SCARB1: variants seen among roughly 807,000 people sequenced by gnomAD.
The protein encoded by SCARB1 is scavenger receptor class B member 1.
SCARB1 carries 30 observed loss-of-function variants against 57.2 expected under a neutral mutation model. The ratio of observed to expected loss-of-function variants is 0.52; its 90% CI spans 0.39 to 0.71. The LOEUF (loss-of-function observed/expected upper bound fraction) is 0.71. Among genes scored for constraint, SCARB1 ranks in the 30% least tolerant of loss-of-function variants. SCARB1 has a pLI of 0.00. For synonymous variants in SCARB1, 249 were observed against 268.3 expected (o/e 0.93, Z 0.70); for missense variants, 543 against 671.2 (o/e 0.81, Z 2.11).
intron 1 of SCARB1, 57 bp downstream of exon 1, chr12:124,863,538 C>G: frequency 6.4e-7 from 1 of 1,567,372 alleles, no homozygotes; most frequent in Non-Finnish European, 8.6e-7. Context: ...CCTCCCGGCG[C>G]CCAGCGCCCA....
At chr12:124,821,326 G>T in intron 1 of SCARB1, 16 of 973,428 alleles carry the variant, frequency 1.6e-5, no homozygotes, top group Non-Finnish European at 2.0e-5. Context: ...CTCCCACCTG[G>T]TTTCTCAGCA....
At position 124,814,950 on chromosome 12, in the gene SCARB1, C is replaced by T. The variant is rs368880622; in HGVS notation, c.426+23G>A. On this transcript the variant is annotated intron_variant, in intron 3 of 12. Coordinates refer to ENST00000261693, the MANE Select transcript of SCARB1 (RefSeq NM_005505.5). This position sits in a 1 kb window ranked among gnomAD's most constrained non-coding sequence, Gnocchi z 4.7. ...GGGACGAGGTCAGGGTGCGAGGCGGCGTGGGCCACAGGGCAGCCTCACCAA... is the reference window on the plus strand; with the variant it reads ...GGGACGAGGTCAGGGTGCGAGGCGGTGTGGGCCACAGGGCAGCCTCACCAA... The T allele has an allele frequency of 3.7e-6, 6 of 1,613,722 alleles. No individual in the cohort carries two copies. Among genetic ancestry groups the T allele is most frequent in the Admixed American group, 3.3e-5 (2 of 59,996 alleles).
At position 124,807,709 on chromosome 12, in the gene SCARB1, T is replaced by G. The variant is rs1291634201; in HGVS notation, c.1009+52A>C. ...AGCACTGGGCAGATAAACCCTCAGC[T>G]GGCCCCACCCTCACACCCTCCCGCC... On this transcript the variant is annotated intron_variant, in intron 7 of 12. Transcript: ENST00000261693. This position sits in a 1 kb window ranked among gnomAD's most constrained non-coding sequence, Gnocchi z 5.3. The G allele has an allele frequency of 8.8e-6, 14 of 1,585,400 alleles. No homozygotes were observed. Among genetic ancestry groups the G allele is most frequent in the Non-Finnish European group, 1.1e-5 (13 of 1,155,638 alleles).
chr12:124,825,321 T>TAG (rs1951109626), intron 1 of SCARB1, among the ~76,000 whole-genome samples: 1 of 148,960 alleles, frequency 6.7e-6, no homozygotes, highest in South Asian at 2.1e-4. Context: ...AACTCTGCCC[T>TAG]AGAAAGATTC....
chr12:124,830,817 A>T (rs1015619099), intron 1 of SCARB1, among the ~76,000 whole-genome samples: 17 of 151,988 alleles, frequency 1.1e-4, no homozygotes, highest in Admixed American at 3.9e-4. Context: ...AGCAAAAAAA[A>T]TTTTTTCTTT....
Position 124,851,788 on chromosome 12 carries a change from G to A in SCARB1, c.126+11807C>T, listed in dbSNP as rs560545164. Among the ~76,000 whole-genome samples, 15 of 151,876 alleles carry A rather than the reference G, an allele frequency of 9.9e-5. No homozygotes were observed. In the South Asian group the frequency reaches 2.9e-3, roughly 30 times the overall value. On this transcript the variant is annotated intron_variant, in intron 1 of 12. Transcript: ENST00000261693. ...TGCCCAGCTAATTTTTGTGTTTTTA[G>A]TAGAGATGGGGTTTCACCATGTTGG...
rs200718786 is a variant in SCARB1 at position 124,786,501 on chromosome 12, G to A, written c.1257C>T (p.Ser419=). The change falls in exon 11 of 13, where the codon AGC becomes AGT. Residue 419 remains serine (S), a splice_region_variant and synonymous_variant. Transcript: ENST00000261693. ...VVLPLLWFAE[S]GAMEGETLHT... Reference sequence around the variant, plus strand: ...GAAGAGTCTCCCCCTCCATGGCCCCGCTCTGAGGAGACAGAATGACAAACA... The same window carrying A: ...GAAGAGTCTCCCCCTCCATGGCCCCACTCTGAGGAGACAGAATGACAAACA... The A allele has an allele frequency of 4.5e-5, 73 of 1,613,808 alleles. No individual in the cohort carries two copies. Among genetic ancestry groups the A allele is most frequent in the African/African-American group, 2.7e-4 (20 of 74,942 alleles).
chr12:124,835,368 C>T (rs1951601318), intron 1 of SCARB1, among the ~76,000 whole-genome samples: 1 of 151,976 alleles, frequency 6.6e-6, no homozygotes, highest in Admixed American at 6.6e-5. Context: ...AAACCATCTT[C>T]CTGCCTCAGC....
chr12:124,842,308 G>A (rs1421679480), intron 1 of SCARB1, among the ~76,000 whole-genome samples: 2 of 152,188 alleles, frequency 1.3e-5, no homozygotes, highest in Non-Finnish European at 2.9e-5. Context: ...ACGCACTGGA[G>A]TTCATCAATA....
At chr12:124,795,300 C>A (rs1271699417) in intron 8 of SCARB1, 32 bp from the exon 9 acceptor site, 1 of 1,568,760 alleles carries the variant, frequency 6.4e-7, no homozygotes, top group Non-Finnish European at 8.8e-7. Flanking sequence ...GGAGACTGGC[C>A]ACCCCCAAGC....
chr12:124,800,472 G>A lies in SCARB1; in HGVS notation c.1010-230C>T, dbSNP rs540957500. On this transcript the variant is annotated intron_variant, in intron 7 of 12. Transcript: ENST00000261693. This position sits in a 1 kb window ranked among gnomAD's most constrained non-coding sequence, Gnocchi z 4.8. Reference sequence around the variant, plus strand: ...AGGCAGGAGCCGCTGATTCTGACAGGAGAGACCAAAAGAAGGAAGAGGCCT... The same window carrying A: ...AGGCAGGAGCCGCTGATTCTGACAGAAGAGACCAAAAGAAGGAAGAGGCCT... Among the ~76,000 whole-genome samples the A allele has an allele frequency of 5.9e-5, 9 of 152,236 alleles. No homozygotes were observed. Among genetic ancestry groups the A allele is most frequent in the Non-Finnish European group, 1.0e-4 (7 of 68,054 alleles).
Position 124,822,711 on chromosome 12 carries a change from C to T in SCARB1, c.127-5004G>A, listed in dbSNP as rs1313744116. Among the ~76,000 whole-genome samples, 7 of 152,186 alleles carry T rather than the reference C, an allele frequency of 4.6e-5. No individual in the cohort carries two copies. The highest frequency in any genetic ancestry group is 4.2e-4 in the South Asian group (2 of 4,818). Reference sequence around the variant, plus strand: ...ACCAGCCTGGGCAACATGGTGAAACCGTGTCTCTACTAAAAATACAAAAAA... The same window carrying T: ...ACCAGCCTGGGCAACATGGTGAAACTGTGTCTCTACTAAAAATACAAAAAA... On this transcript the variant is annotated intron_variant, in intron 1 of 12. Transcript: ENST00000261693. This position sits in a 1 kb window ranked among gnomAD's most constrained non-coding sequence, Gnocchi z 5.0.
chr12:124,812,901 C>T lies in SCARB1; in HGVS notation c.631-936G>A, dbSNP rs150239807. 2.9e-3 allele frequency among the ~76,000 whole-genome samples: 438 copies of T among 152,236 alleles called. 1 individual carries two copies. The highest frequency in any genetic ancestry group is 9.7e-3 in the African/African-American group (401 of 41,514). ...CATTAAAGGGACTCATGTGCAAAAA[C>T]GGCCAGGTACAGTGCACCGGACACA... On this transcript the variant is annotated intron_variant, in intron 4 of 12. Transcript: ENST00000261693. The surrounding 1 kb of genome is among the most constrained non-coding windows in gnomAD (Gnocchi z 4.3).
chr12:124,835,128 C>T (rs1213635123), intron 1 of SCARB1, among the ~76,000 whole-genome samples: 1 of 152,172 alleles, frequency 6.6e-6, no homozygotes, highest in Non-Finnish European at 1.5e-5. Flanking sequence ...GAGGCAATGT[C>T]TGACATGAGC....
chr12:124,835,173 A>G (rs200943262), intron 1 of SCARB1, among the ~76,000 whole-genome samples: 2 of 152,138 alleles, frequency 1.3e-5, no homozygotes, highest in East Asian at 3.8e-4. Flanking sequence ...AAGTGTATGG[A>G]GGCACGTGCA....
At chr12:124,853,070 G>T (rs1324772441) in intron 1 of SCARB1, among the ~76,000 whole-genome samples, 1 of 152,138 alleles carries the variant, frequency 6.6e-6, no homozygotes, top group Non-Finnish European at 1.5e-5. Flanking sequence ...CCATTGGGTG[G>T]GGTGGGCAAT....
At chr12:124,837,010 C>A (rs117794015) in intron 1 of SCARB1, among the ~76,000 whole-genome samples, 2 of 152,200 alleles carry the variant, frequency 1.3e-5, no homozygotes, top group Admixed American at 1.3e-4. Context: ...CTCAGACCAG[C>A]GAAGAGAATG....
chr12:124,799,128 CAT>C (rs1294457028), intron 8 of SCARB1, among the ~76,000 whole-genome samples: 1 of 152,194 alleles, frequency 6.6e-6, no homozygotes, highest in Non-Finnish European at 1.5e-5. Flanking sequence ...TGAGGTAATG[CAT>C]ATGTTAATTG....
intron 12 of SCARB1, among the ~76,000 whole-genome samples, chr12:124,781,826 G>A (rs1873536882): frequency 6.6e-6 from 1 of 151,370 alleles, no homozygotes; most frequent in Non-Finnish European, 1.5e-5. Context: ...TCCAGTCCCA[G>A]GTATACAGTT....
Sources: allele counts gnomAD v4.1 joint callset (sites outside exome capture counted in the v4.1 genomes callset), GRCh38; gene constraint gnomAD v4.1.1; non-coding constraint Gnocchi (gnomAD v3.1); transcripts MANE v1.5; gene names NCBI Gene and HGNC (gene_info 2026-07-23, HGNC 2026-07-21).